The following COL5A2 variants were observed in gnomAD, a reference collection of about 807,000 sequenced individuals.
COL5A2 encodes the protein collagen alpha-2(V) chain.
Under a neutral mutation model 208.2 loss-of-function variants are expected in COL5A2, and 23 were observed. The observed-to-expected ratio is 0.11, with a 90% confidence interval of 0.08 to 0.16. COL5A2 has a LOEUF of 0.16. Among genes scored for constraint, COL5A2 ranks in the 10% least tolerant of loss-of-function variants. The probability of loss-of-function intolerance (pLI) is 1.00; values close to 1 mark genes in which losing one functional copy is unlikely to be tolerated. For missense variants in COL5A2, 1,590 were observed against 1,956.4 expected, an observed-to-expected ratio of 0.81 and a Z score of 3.53; for synonymous variants, 625 against 628.5, an observed-to-expected ratio of 0.99 and a Z score of 0.08.
At chr2:189,239,094 A>G in the COL5A2 span, among the ~76,000 whole-genome samples, 1 of 152,142 alleles carries the variant, frequency 6.6e-6, no homozygotes, top group African/African-American at 2.4e-5. Context: ...CTGAAGTGCA[A>G]CCAAGGTGTT....
the COL5A2 span, among the ~76,000 whole-genome samples, chr2:189,328,381 A>G: frequency 1.5e-4 from 23 of 152,358 alleles, no homozygotes; most frequent in African/African-American, 5.3e-4. Flanking sequence ...TGACTCCCAG[A>G]GAGCTAAATC....
the COL5A2 span, among the ~76,000 whole-genome samples, chr2:189,272,917 A>G: frequency 6.6e-6 from 1 of 152,134 alleles, no homozygotes; most frequent in East Asian, 1.9e-4. Flanking sequence ...AATTTTGTGA[A>G]ATGATTATAA....
intron 16 of COL5A2, among the ~76,000 whole-genome samples, chr2:189,077,830 C>T (rs6434321): frequency 0.71 from 108,261 of 151,942 alleles, 39,550 homozygotes; most frequent in Non-Finnish European, 0.81. Context: ...TGGGGATGAT[C>T]GGATCTTGAA....
chr2:189,051,549 C>T lies in COL5A2; in HGVS notation c.2770-68G>A, dbSNP rs139006267. ...AGGCAAGTAAGAGTGATTGACATAA[C>T]GCTGTCTGCCTCAGATGCAGATGTC... On this transcript the variant is annotated intron_variant, in intron 41 of 53. Coordinates refer to ENST00000374866, the MANE Select transcript of COL5A2 (RefSeq NM_000393.5). The T allele has an allele frequency of 1.1e-4, 158 of 1,418,164 alleles. No individual in the cohort carries two copies. In the African/African-American group the frequency reaches 1.7e-3, roughly 15 times the overall value. 87.8% of individuals were successfully genotyped at this position (1,418,164 alleles called of 1,614,324 possible).
chr2:189,122,964 A>C (rs1420570433), intron 1 of COL5A2, among the ~76,000 whole-genome samples: 1 of 59,814 alleles, frequency 1.7e-5, no homozygotes, highest in Admixed American at 1.9e-4. Context: ...GGGATAAAGT[A>C]TTTAATTTTT....
chr2:189,432,034 G>A, the COL5A2 span, among the ~76,000 whole-genome samples: 1 of 152,132 alleles, frequency 6.6e-6, no homozygotes, highest in Non-Finnish European at 1.5e-5. Flanking sequence ...AAGAGTGGGC[G>A]ACAGTATTCA....
chr2:189,361,898 C>T, the COL5A2 span, among the ~76,000 whole-genome samples: 2 of 152,106 alleles, frequency 1.3e-5, no homozygotes, highest in Non-Finnish European at 2.9e-5. Context: ...AATCTCTGCA[C>T]TTTAATACCA....
chr2:189,391,494 G>C, the COL5A2 span, among the ~76,000 whole-genome samples: 2 of 152,056 alleles, frequency 1.3e-5, no homozygotes, highest in Non-Finnish European at 2.9e-5. Context: ...AGTAACAGTT[G>C]AACAAAATAG....
the COL5A2 span, among the ~76,000 whole-genome samples, chr2:189,274,817 T>C: frequency 1.2e-3 from 186 of 152,310 alleles, no homozygotes; most frequent in African/African-American, 4.2e-3. Flanking sequence ...TTACAATTTA[T>C]TGTTTCAAAT....
the COL5A2 span, among the ~76,000 whole-genome samples, chr2:189,313,816 T>G: frequency 6.6e-6 from 1 of 152,038 alleles, no homozygotes; most frequent in Non-Finnish European, 1.5e-5. Context: ...AAAACAGACT[T>G]TAAACCAACA....
chr2:189,182,336 CTTA>C (rs1688792324), upstream of COL5A2, among the ~76,000 whole-genome samples: 1 of 152,162 alleles, frequency 6.6e-6, no homozygotes, highest in African/African-American at 2.4e-5. Flanking sequence ...CTGAAAGGTA[CTTA>C]TTATTTTTCT....
intron 1 of COL5A2, among the ~76,000 whole-genome samples, chr2:189,189,985 G>T (rs1688903217): frequency 6.6e-6 from 1 of 151,948 alleles, no homozygotes; most frequent in Non-Finnish European, 1.5e-5. Flanking sequence ...AAAAAAAGTT[G>T]GTGAAAGAGC....
At chr2:189,376,757 T>TAATC in the COL5A2 span, among the ~76,000 whole-genome samples, 1 of 152,198 alleles carries the variant, frequency 6.6e-6, no homozygotes, top group Admixed American at 6.5e-5. Flanking sequence ...TTTCCCTTGG[T>TAATC]AATCATTGAC....
rs572078967 is a variant in COL5A2 at position 189,138,702 on chromosome 2, C to T, written c.98-28253G>A. On this transcript the variant is annotated intron_variant, in intron 1 of 53. Transcript: ENST00000374866. ...CGAACCTAGAACATCTTATAGTAAC[C>T]GAAAGTAAAAAAGTACATACACACA... Among the ~76,000 whole-genome samples, 11 of 151,866 alleles carry T rather than the reference C, an allele frequency of 7.2e-5. No homozygotes were observed. In the East Asian group the frequency reaches 9.7e-4, roughly 13 times the overall value.
At chr2:189,037,913 C>A (rs1379467534) in intron 51 of COL5A2, among the ~76,000 whole-genome samples, 2 of 152,082 alleles carry the variant, frequency 1.3e-5, no homozygotes, top group Non-Finnish European at 2.9e-5. Flanking sequence ...TCCACATTTC[C>A]ACGAAATGCT....
At chr2:189,364,685 G>GA in the COL5A2 span, among the ~76,000 whole-genome samples, 4,751 of 139,384 alleles carry the variant, frequency 0.034, 139 homozygotes, top group African/African-American at 0.085. Context: ...CTCTGTCTCA[G>GA]AAAAAAAAAA....
the COL5A2 span, among the ~76,000 whole-genome samples, chr2:189,286,379 A>T: frequency 2.0e-5 from 3 of 152,226 alleles, no homozygotes; most frequent in Non-Finnish European, 4.4e-5. Flanking sequence ...GAAATAACTT[A>T]CAGTGAATGG....
At chr2:189,036,061 G>C (rs1000674208) in intron 52 of COL5A2, among the ~76,000 whole-genome samples, 11 of 151,960 alleles carry the variant, frequency 7.2e-5, no homozygotes, top group Admixed American at 1.3e-4. Context: ...CATTATTATA[G>C]TAGTTATCTA....
chr2:189,149,458 C>G (rs966372047), intron 1 of COL5A2, among the ~76,000 whole-genome samples: 2 of 152,112 alleles, frequency 1.3e-5, no homozygotes, highest in African/African-American at 4.8e-5. Flanking sequence ...AATATTGGCT[C>G]TATATTCCAT....
Sources: allele counts gnomAD v4.1 joint callset (sites outside exome capture counted in the v4.1 genomes callset), GRCh38; gene constraint gnomAD v4.1.1; transcripts MANE v1.5; gene names NCBI Gene and HGNC (gene_info 2026-07-23, HGNC 2026-07-21).